Variants in SLC30A10 observed in about 807,000 individuals in gnomAD.
The protein encoded by SLC30A10 is calcium/manganese antiporter SLC30A10.
In SLC30A10, 8 loss-of-function variants were observed where a neutral mutation model predicts 21.7. That is an observed-to-expected ratio of 0.37 (90% CI 0.22 to 0.67). SLC30A10 has a LOEUF of 0.67. Among genes scored for constraint, SLC30A10 ranks in the 30% least tolerant of loss-of-function variants. SLC30A10 has a pLI of 0.58. For synonymous variants in SLC30A10, 272 were observed against 279.4 expected, an observed-to-expected ratio of 0.97 and a Z score of 0.26; for missense variants, 521 against 642.5, an observed-to-expected ratio of 0.81 and a Z score of 2.04.
chr1:219,946,251 T>C (rs543881671), intron 1 of SLC30A10, among the ~76,000 whole-genome samples: 5 of 152,336 alleles, frequency 3.3e-5, no homozygotes, highest in African/African-American at 9.6e-5. Context: ...TATTGAACAT[T>C]TGGGGGCCTC....
At chr1:219,925,128 C>T (rs1659783145) in intron 2 of SLC30A10, among the ~76,000 whole-genome samples, 1 of 152,196 alleles carries the variant, frequency 6.6e-6, no homozygotes, top group Non-Finnish European at 1.5e-5. Context: ...TAAAATTTGG[C>T]AAGTTCATAC....
chr1:219,937,978 T>C (rs979535523), intron 1 of SLC30A10, among the ~76,000 whole-genome samples: 1 of 152,238 alleles, frequency 6.6e-6, no homozygotes, highest in African/African-American at 2.4e-5. Flanking sequence ...TTCATGTTCA[T>C]TGTTTTATCT....
chr1:219,946,502 T>C (rs1660187727), intron 1 of SLC30A10, among the ~76,000 whole-genome samples: 1 of 152,176 alleles, frequency 6.6e-6, no homozygotes, highest in Non-Finnish European at 1.5e-5. Flanking sequence ...GCCATTCCTC[T>C]TGTCTTGTGT....
At chr1:219,958,136 C>T (rs559016360) in intron 1 of SLC30A10, among the ~76,000 whole-genome samples, 20 of 152,136 alleles carry the variant, frequency 1.3e-4, no homozygotes, top group Admixed American at 4.6e-4. Flanking sequence ...GTTATGTAGC[C>T]CAGTACTTTT....
intron 1 of SLC30A10, chr1:219,958,501 G>T (rs1476905029): frequency 6.6e-6 from 1 of 152,548 alleles, no homozygotes; most frequent in African/African-American, 2.4e-5. Flanking sequence ...CACCACAAAG[G>T]CCCCCTCAGA....
At position 219,934,236 on chromosome 1, in the gene SLC30A10, C is replaced by T. The variant is rs1010471807; in HGVS notation, n.81-7131G>A. 4.6e-5 allele frequency among the ~76,000 whole-genome samples: 7 copies of T among 151,628 alleles called. No individual in the cohort carries two copies. In the East Asian group the frequency reaches 1.2e-3, roughly 25 times the overall value. On this transcript the variant is annotated intron_variant and non_coding_transcript_variant, in intron 1 of 8. Coordinates refer to the SLC30A10 transcript ENST00000484239. Reference sequence around the variant, plus strand: ...CCAGGAGGCGGAGCTGGCAGTGAGCCGAGATCGTGCCACTGCACTCTAGCC... The same window carrying T: ...CCAGGAGGCGGAGCTGGCAGTGAGCTGAGATCGTGCCACTGCACTCTAGCC...
chr1:219,923,174 C>T (rs1372578686), intron 2 of SLC30A10, among the ~76,000 whole-genome samples: 4 of 152,084 alleles, frequency 2.6e-5, no homozygotes, highest in South Asian at 4.2e-4. Context: ...GAGCAGACTC[C>T]GATGTGATCA....
rs941766387 is a variant in SLC30A10 at position 219,928,516 on chromosome 1, C to T, written c.-76G>A. The T allele has an allele frequency of 2.2e-6, 3 of 1,335,438 alleles. No homozygotes were observed. Among genetic ancestry groups the T allele is most frequent in the Non-Finnish European group, 2.9e-6 (3 of 1,028,536 alleles). The allele number at this position is 1,335,438 out of a possible 1,614,324, so 82.7% of individuals were successfully genotyped here. On this transcript the variant is annotated 5_prime_UTR_variant, in exon 1 of 4. Transcript: ENST00000366926. The surrounding 1 kb of genome is among the most constrained non-coding windows in gnomAD (Gnocchi z 6.3). ...CCCGCGCGCAGCCACAGGTGGGGGG[C>T]GCGGCGCGGATCCGTGAGGCCCGGT...
chr1:219,923,997 T>C (rs1435027353), intron 2 of SLC30A10, among the ~76,000 whole-genome samples: 1 of 152,114 alleles, frequency 6.6e-6, no homozygotes, highest in Non-Finnish European at 1.5e-5. Flanking sequence ...TGGGAGGCAG[T>C]TTGTGGTGAG....
chr1:219,954,300 G>T (rs1660314105), intron 1 of SLC30A10, among the ~76,000 whole-genome samples: 1 of 152,032 alleles, frequency 6.6e-6, no homozygotes, highest in Non-Finnish European at 1.5e-5. Context: ...ACTGCCTCTA[G>T]CGAGTTGGTT....
chr1:219,958,364 A>G (rs930264918), intron 1 of SLC30A10, among the ~76,000 whole-genome samples: 7 of 152,116 alleles, frequency 4.6e-5, no homozygotes, highest in Non-Finnish European at 7.4e-5. Context: ...TCCTCCCAAC[A>G]TTGAAGCAAA....
intron 2 of SLC30A10, among the ~76,000 whole-genome samples, chr1:219,924,432 T>G (rs898242395): frequency 2.0e-5 from 3 of 152,164 alleles, no homozygotes; most frequent in Non-Finnish European, 4.4e-5. Context: ...ATCTGTGAAG[T>G]GAAAGGTTGA....
upstream of SLC30A10, among the ~76,000 whole-genome samples, chr1:219,959,007 G>A (rs1660387777): frequency 6.6e-6 from 1 of 152,218 alleles, no homozygotes; most frequent in African/African-American, 2.4e-5. Flanking sequence ...TTCTTCCGGA[G>A]TATCGCCCCA....
chr1:219,948,675 G>T (rs553335247), intron 1 of SLC30A10, among the ~76,000 whole-genome samples: 23 of 152,296 alleles, frequency 1.5e-4, no homozygotes, highest in Non-Finnish European at 2.9e-4. Flanking sequence ...GAAAACCTAT[G>T]CATTACCATT....
At position 219,911,599 on chromosome 1, in the gene SLC30A10, A is replaced by C. The variant is rs2102521235; in HGVS notation, c.*3850T>G. Among the ~76,000 whole-genome samples the C allele has an allele frequency of 6.6e-6, 1 of 152,260 alleles. No individual in the cohort carries two copies. The highest frequency in any genetic ancestry group is 2.1e-4 in the South Asian group (1 of 4,824). ...ACTGATGAGTATAAAGGGATTTATA[A>C]GGGCTTTTCATTTCAAATTACATTT... On this transcript the variant is annotated 3_prime_UTR_variant, in exon 4 of 4. Coordinates refer to ENST00000366926, the MANE Select transcript of SLC30A10 (RefSeq NM_018713.3).
chr1:219,915,720 A>G lies in SLC30A10; in HGVS notation c.1187T>C (p.Leu396Ser), dbSNP rs1182944220. Residue 396 changes from leucine to serine, a missense_variant, in exon 4 of 4, where the codon TTA (leucine) becomes TCA (serine). Coordinates refer to ENST00000366926, the MANE Select transcript of SLC30A10 (RefSeq NM_018713.3). ...GCAGGGTGAGTTGCAGAGCAACAGT[A>G]AGTCCTTCTGCTCCAGGGGTTCCTT... ...DLKEPLEQKD[L>S]LLLCNSPCIS... 14 of 1,614,214 alleles carry G rather than the reference A, an allele frequency of 8.7e-6. 1 individual carries two copies. In the East Asian group the frequency reaches 3.1e-4, roughly 36 times the overall value.
rs979976443 is a variant in SLC30A10 at position 219,912,222 on chromosome 1, A to G, written c.*3227T>C. Among the ~76,000 whole-genome samples, 3 of 150,104 alleles carry G rather than the reference A, an allele frequency of 2.0e-5. No homozygotes were observed. In the South Asian group the frequency reaches 6.3e-4, roughly 32 times the overall value. ...GAACTAAATATGGAGAATATTCTTA[A>G]TTCTTCCTCAAATAATGTCTCCCTA... On this transcript the variant is annotated 3_prime_UTR_variant, in exon 4 of 4. Transcript: ENST00000366926.
chr1:219,928,413 G>C lies in SLC30A10; in HGVS notation c.28C>G (p.Arg10Gly). MGRYSGKTC[R>G]LLFMLVLTVA... ...GTGAGCACCAGCATGAAGAGCAGCCGGCACGTCTTGCCAGAGTAGCGGCCC... is the reference window on the plus strand; with the variant it reads ...GTGAGCACCAGCATGAAGAGCAGCCCGCACGTCTTGCCAGAGTAGCGGCCC... Residue 10 changes from arginine to glycine, a missense_variant, in exon 1 of 4, where the codon CGG becomes GGG. Coordinates refer to ENST00000366926, the MANE Select transcript of SLC30A10 (RefSeq NM_018713.3). The surrounding 1 kb of genome is among the most constrained non-coding windows in gnomAD (Gnocchi z 6.3). 2 of 1,612,684 alleles carry C rather than the reference G, an allele frequency of 1.2e-6. No homozygotes were observed. Among genetic ancestry groups the C allele is most frequent in the South Asian group, 1.1e-5 (1 of 90,972 alleles).
chr1:219,941,123 G>A (rs897936543), intron 1 of SLC30A10, among the ~76,000 whole-genome samples: 2 of 152,160 alleles, frequency 1.3e-5, no homozygotes, highest in Non-Finnish European at 2.9e-5. Context: ...GAGAGGAGAA[G>A]GAGAACACAG....
Sources: gnomAD v4.1 joint callset for allele counts (sites outside exome capture counted in the v4.1 genomes callset) on GRCh38, gnomAD v4.1.1 for gene constraint, Gnocchi (gnomAD v3.1) non-coding constraint, MANE v1.5 for transcripts, NCBI Gene and HGNC (gene_info 2026-07-23, HGNC 2026-07-21) for gene names.